The following FAM227B variants were observed in gnomAD, a reference collection of about 807,000 sequenced individuals.
The protein encoded by FAM227B is protein FAM227B.
Under a neutral mutation model 73.8 loss-of-function variants are expected in FAM227B, and 88 were observed. That is an observed-to-expected ratio of 1.19 (90% confidence interval 1.00 to 1.42). FAM227B has a LOEUF of 1.42. Among genes scored for constraint, FAM227B ranks in the 40% most tolerant of loss-of-function variants. The pLI is 0.00. For synonymous variants in FAM227B, 210 were observed against 190.5 expected, an observed-to-expected ratio of 1.10 and a Z score of -0.84; for missense variants, 632 against 590.9, an observed-to-expected ratio of 1.07 and a Z score of -0.72.
At chr15:49,542,724 A>ATG (rs1356690055) in intron 9 of FAM227B, among the ~76,000 whole-genome samples, 1 of 149,342 alleles carries the variant, frequency 6.7e-6, no homozygotes, top group African/African-American at 2.4e-5. Flanking sequence ...ATATATATAT[A>ATG]TAATTAAAAC....
chr15:49,556,651 C>T (rs956379452), intron 9 of FAM227B, among the ~76,000 whole-genome samples: 2 of 145,818 alleles, frequency 1.4e-5, no homozygotes, highest in African/African-American at 2.6e-5. Context: ...AAAGGCTGGA[C>T]CCAAGGAGAG....
intron 10 of FAM227B, among the ~76,000 whole-genome samples, chr15:49,517,034 A>G (rs982847069): frequency 1.3e-5 from 2 of 152,208 alleles, no homozygotes; most frequent in African/African-American, 4.8e-5. Flanking sequence ...CTCTAAAGGA[A>G]CACATCTCTG....
chr15:49,509,724 C>A (rs985578384), intron 10 of FAM227B, among the ~76,000 whole-genome samples: 1 of 151,872 alleles, frequency 6.6e-6, no homozygotes, highest in African/African-American at 2.4e-5. Flanking sequence ...CCACAACACT[C>A]GAAATTTATC....
chr15:49,388,690 A>T (rs1455588988), intron 11 of FAM227B, among the ~76,000 whole-genome samples: 1 of 152,008 alleles, frequency 6.6e-6, no homozygotes, highest in Admixed American at 6.6e-5. Context: ...TTGACAGAGT[A>T]AACAGAAAAC....
rs1011907645 is a variant in FAM227B, at chr15:49,505,978, G to T, written c.1012+2233C>A. Among the ~76,000 whole-genome samples, 7 of 151,942 alleles carry T rather than the reference G, an allele frequency of 4.6e-5. No homozygotes were observed. In the South Asian group the frequency reaches 1.5e-3, roughly 32 times the overall value. Reference sequence around the variant, plus strand: ...GAACCATAAGCATAGGAAAACTGAAGTGTCTATATTAAGATTAAACAAAAT... The same window carrying T: ...GAACCATAAGCATAGGAAAACTGAATTGTCTATATTAAGATTAAACAAAAT... On this transcript the variant is annotated intron_variant, in intron 11 of 15. Coordinates refer to ENST00000299338, the MANE Select transcript of FAM227B (RefSeq NM_152647.3).
intron 9 of FAM227B, among the ~76,000 whole-genome samples, chr15:49,547,899 G>A (rs1306861722): frequency 3.3e-5 from 5 of 152,124 alleles, no homozygotes; most frequent in African/African-American, 7.2e-5. Flanking sequence ...CTCCACTGAC[G>A]ACACCAAACA....
At chr15:49,563,212 G>C (rs1022021250) in intron 9 of FAM227B, among the ~76,000 whole-genome samples, 3 of 152,028 alleles carry the variant, frequency 2.0e-5, no homozygotes, top group Non-Finnish European at 4.4e-5. Context: ...TGTTAAAGCT[G>C]AGAGCCAAAT....
chr15:49,355,686 A>T (rs1742990091), intron 13 of FAM227B, among the ~76,000 whole-genome samples: 1 of 151,542 alleles, frequency 6.6e-6, no homozygotes, highest in South Asian at 2.1e-4. Context: ...ATCCAGGAGA[A>T]CTTCCCCAAT....
intron 11 of FAM227B, chr15:49,425,599 G>A (rs974445411): frequency 8.6e-5 from 13 of 151,900 alleles, no homozygotes; most frequent in African/African-American, 3.1e-4. Context: ...GTAAACATGT[G>A]CAAATCACAG....
At chr15:49,382,237 G>A (rs1051332715) in intron 11 of FAM227B, among the ~76,000 whole-genome samples, 17 of 151,992 alleles carry the variant, frequency 1.1e-4, no homozygotes. Flanking sequence ...ATATTAAAAT[G>A]TATAAAACAA....
At chr15:49,594,721 G>T (rs1458164262) in intron 3 of FAM227B, among the ~76,000 whole-genome samples, 1 of 152,134 alleles carries the variant, frequency 6.6e-6, no homozygotes, top group Non-Finnish European at 1.5e-5. Flanking sequence ...CTTTGTTGAA[G>T]ATCAGTTGGC....
chr15:49,530,364 C>T (rs2060518585), intron 10 of FAM227B, among the ~76,000 whole-genome samples: 1 of 151,764 alleles, frequency 6.6e-6, no homozygotes, highest in African/African-American at 2.4e-5. Flanking sequence ...AGCAAGAACA[C>T]TAACATAAAT....
At chr15:49,364,394 G>T (rs1412108285) in intron 13 of FAM227B, among the ~76,000 whole-genome samples, 8 of 151,998 alleles carry the variant, frequency 5.3e-5, no homozygotes, top group Admixed American at 5.2e-4. Context: ...TCTAGCTTGT[G>T]TGCATAGAGA....
chr15:49,482,105 C>G (rs1194909158), intron 11 of FAM227B, among the ~76,000 whole-genome samples: 1 of 152,082 alleles, frequency 6.6e-6, no homozygotes, highest in East Asian at 1.9e-4. Context: ...TTTGACTTTT[C>G]TTTGCACTGT....
chr15:49,430,358 C>T (rs549766954), intron 11 of FAM227B, among the ~76,000 whole-genome samples: 10 of 151,882 alleles, frequency 6.6e-5, no homozygotes, highest in South Asian at 6.2e-4. Context: ...AATGAGCCAC[C>T]TTATGACTAT....
intron 13 of FAM227B, chr15:49,353,715 G>A (rs1434675452): frequency 6.6e-6 from 1 of 151,042 alleles, no homozygotes; most frequent in African/African-American, 2.4e-5. Flanking sequence ...GAAGGACTGA[G>A]GGAAAAAAGA....
chr15:49,446,292 A>G (rs952625425), intron 11 of FAM227B, among the ~76,000 whole-genome samples: 2 of 151,546 alleles, frequency 1.3e-5, no homozygotes, highest in African/African-American at 2.4e-5. Context: ...ATTAAGATTT[A>G]AATTAGTGCA....
chr15:49,415,207 T>C (rs548351921), intron 11 of FAM227B, among the ~76,000 whole-genome samples: 1 of 152,262 alleles, frequency 6.6e-6, no homozygotes, highest in African/African-American at 2.4e-5. Context: ...TACCCCTCAT[T>C]TTGCTGCCTT....
Position 49,492,128 on chromosome 15 carries a change from G to T in FAM227B, c.1012+16083C>A, listed in dbSNP as rs187523906. On this transcript the variant is annotated intron_variant, in intron 11 of 15. Transcript: ENST00000299338. ...TTTAAAAATAACTTATTTAACAAAT[G>T]CAGCAATCACTATGTGAGGTAAAAA... Among the ~76,000 whole-genome samples, 762 of 151,932 alleles carry T rather than the reference G, an allele frequency of 5.0e-3. 2 individuals are homozygous for T. The highest frequency in any genetic ancestry group is 8.1e-3 in the South Asian group (39 of 4,822).
Sources: gnomAD v4.1 joint callset for allele counts (sites outside exome capture counted in the v4.1 genomes callset) on GRCh38, gnomAD v4.1.1 for gene constraint, MANE v1.5 for transcripts, NCBI Gene and HGNC (gene_info 2026-07-23, HGNC 2026-07-21) for gene names.